TMEFF1: variants seen among roughly 807,000 people sequenced by gnomAD.
TMEFF1 encodes the protein tomoregulin-1.
In TMEFF1, 20 loss-of-function variants were observed where a neutral mutation model predicts 47.5. The ratio of observed to expected loss-of-function variants is 0.42; its 90% CI spans 0.30 to 0.61. The LOEUF is 0.61. Ranked by LOEUF, TMEFF1 falls within the 20% of genes least tolerant of loss-of-function variation. TMEFF1 has a pLI of 0.19. For missense variants in TMEFF1, 411 were observed against 471.1 expected, an observed-to-expected ratio of 0.87 and a Z score of 1.18; for synonymous variants, 162 against 166.3, an observed-to-expected ratio of 0.97 and a Z score of 0.20.
At chr9:100,531,205 C>G (rs1465074663) in intron 5 of TMEFF1, among the ~76,000 whole-genome samples, 1 of 152,152 alleles carries the variant, frequency 6.6e-6, no homozygotes, top group Non-Finnish European at 1.5e-5. Flanking sequence ...CTCACCACTC[C>G]TATTCAACAT....
chr9:100,485,076 CATG>C (rs1459475103), intron 1 of TMEFF1, among the ~76,000 whole-genome samples: 1 of 152,186 alleles, frequency 6.6e-6, no homozygotes, highest in Non-Finnish European at 1.5e-5. Flanking sequence ...TTTCTCTTAG[CATG>C]ATGTTTTTAA....
chr9:100,539,428 G>T (rs575794015), intron 5 of TMEFF1, among the ~76,000 whole-genome samples: 1 of 152,296 alleles, frequency 6.6e-6, no homozygotes. Context: ...TCCGGAGTTT[G>T]TTCCTTCAGA....
intron 1 of TMEFF1, among the ~76,000 whole-genome samples, chr9:100,497,767 C>G (rs1837683512): frequency 6.6e-6 from 1 of 152,154 alleles, no homozygotes; most frequent in Admixed American, 6.5e-5. Context: ...TCCCTTAGAT[C>G]TCTTTGCCGG....
At chr9:100,514,493 A>G (rs1564014930) in intron 4 of TMEFF1, among the ~76,000 whole-genome samples, 1 of 152,090 alleles carries the variant, frequency 6.6e-6, no homozygotes, top group Non-Finnish European at 1.5e-5. Flanking sequence ...TTCAGTTAGG[A>G]AACTGTCATT....
intron 5 of TMEFF1, among the ~76,000 whole-genome samples, chr9:100,519,747 T>C (rs1838130960): frequency 6.7e-6 from 1 of 149,482 alleles, no homozygotes; most frequent in African/African-American, 2.4e-5. Flanking sequence ...TAAGTCTTGG[T>C]CACTCTGAGT....
intron 8 of TMEFF1, among the ~76,000 whole-genome samples, chr9:100,569,260 G>A (rs1009521634): frequency 6.6e-6 from 1 of 152,108 alleles, no homozygotes; most frequent in Non-Finnish European, 1.5e-5. Flanking sequence ...GTAAAAACTG[G>A]CATATACGGT....
At chr9:100,518,309 C>A in intron 5 of TMEFF1, 1 of 323,042 alleles carries the variant, frequency 3.1e-6, no homozygotes, top group Non-Finnish European at 4.5e-6. Flanking sequence ...TAAACACCTC[C>A]TCATAGTGTA....
At chr9:100,571,638 C>T (rs932798102) in intron 8 of TMEFF1, among the ~76,000 whole-genome samples, 22 of 150,106 alleles carry the variant, frequency 1.5e-4, no homozygotes, top group African/African-American at 5.2e-4. Flanking sequence ...TTTCCATGGA[C>T]TGGGGATTGG....
intron 1 of TMEFF1, among the ~76,000 whole-genome samples, chr9:100,486,550 T>A (rs1837453750): frequency 1.3e-5 from 2 of 152,204 alleles, no homozygotes; most frequent in East Asian, 3.8e-4. Context: ...CCTGAACTTT[T>A]AAAAAAATAT....
At chr9:100,570,000 C>CT (rs1227648592) in intron 8 of TMEFF1, among the ~76,000 whole-genome samples, 1 of 152,170 alleles carries the variant, frequency 6.6e-6, no homozygotes, top group Non-Finnish European at 1.5e-5. Flanking sequence ...ATGAGATCAA[C>CT]TTTTTTAGGT....
chr9:100,502,009 T>G (rs1252062248), intron 2 of TMEFF1, among the ~76,000 whole-genome samples: 1 of 152,118 alleles, frequency 6.6e-6, no homozygotes, highest in Non-Finnish European at 1.5e-5. Flanking sequence ...TATAAGAAGA[T>G]ATGTAGCAAA....
chr9:100,543,851 C>T (rs1235951639), intron 5 of TMEFF1, among the ~76,000 whole-genome samples: 1 of 151,958 alleles, frequency 6.6e-6, no homozygotes, highest in East Asian at 1.9e-4. Flanking sequence ...CTCTTCTAGT[C>T]CTTGACCCCT....
Position 100,577,222 on chromosome 9 carries a change from T to A in TMEFF1, c.*622T>A, listed in dbSNP as rs1351800131. The A allele has an allele frequency of 1.3e-5, 2 of 152,618 alleles. No homozygotes were observed. Among genetic ancestry groups the A allele is most frequent in the Non-Finnish European group, 2.9e-5 (2 of 68,022 alleles). The allele number at this position is 152,618 out of a possible 1,614,324, so 9.5% of individuals were successfully genotyped here. On this transcript the variant is annotated 3_prime_UTR_variant, in exon 10 of 10. Transcript: ENST00000374879. ...GGAACAGATCAATGAAAAGTAGATA[T>A]AGATATTGTGAAAATAGGCTGTTTA...
chr9:100,542,056 T>A (rs1838644122), intron 5 of TMEFF1, among the ~76,000 whole-genome samples: 1 of 152,170 alleles, frequency 6.6e-6, no homozygotes, highest in South Asian at 2.1e-4. Flanking sequence ...ACTGATATTT[T>A]TTTTCTTATT....
chr9:100,513,241 T>G (rs1838001015), intron 3 of TMEFF1, 66 bp from the exon 4 acceptor site: 2 of 1,570,948 alleles, frequency 1.3e-6, no homozygotes, highest in Non-Finnish European at 8.6e-7. Context: ...ATAGGAAATT[T>G]TATTATTTGA....
At chr9:100,490,677 G>A (rs895348488) in intron 1 of TMEFF1, among the ~76,000 whole-genome samples, 4 of 148,820 alleles carry the variant, frequency 2.7e-5, no homozygotes, top group African/African-American at 1.0e-4. Flanking sequence ...TGTCTCTGGG[G>A]TTGTCTTTGA....
intron 2 of TMEFF1, among the ~76,000 whole-genome samples, chr9:100,503,268 A>G (rs1837800686): frequency 6.6e-6 from 1 of 151,950 alleles, no homozygotes; most frequent in African/African-American, 2.4e-5. Context: ...TTAGTCTGCT[A>G]ATAAGAGCTA....
intron 6 of TMEFF1, among the ~76,000 whole-genome samples, chr9:100,549,296 A>G (rs967401839): frequency 6.6e-6 from 1 of 152,108 alleles, no homozygotes; most frequent in Non-Finnish European, 1.5e-5. Context: ...TTTGTAAACA[A>G]CTAGGTCTTG....
intron 1 of TMEFF1, among the ~76,000 whole-genome samples, chr9:100,486,697 AT>A (rs1303366003): frequency 6.6e-6 from 1 of 152,160 alleles, no homozygotes; most frequent in Non-Finnish European, 1.5e-5. Flanking sequence ...GTGCAGTGGC[AT>A]GATGGCTTAC....
Sources: allele counts gnomAD v4.1 joint callset (sites outside exome capture counted in the v4.1 genomes callset), GRCh38; gene constraint gnomAD v4.1.1; transcripts MANE v1.5; gene names NCBI Gene and HGNC (gene_info 2026-07-23, HGNC 2026-07-21).